The following ADCK1 variants were observed in gnomAD, a reference collection of about 807,000 sequenced individuals.
The protein encoded by ADCK1 is aarF domain containing kinase 1.
A neutral mutation model predicts 52.3 loss-of-function variants in ADCK1; 41 were observed. The observed-to-expected ratio is 0.78, with a 90% CI of 0.61 to 1.02. ADCK1 has a LOEUF of 1.02. Among genes scored for constraint, ADCK1 ranks in the 50% least tolerant of loss-of-function variants. ADCK1 has a pLI of 0.00. For missense variants in ADCK1, 658 were observed against 679.5 expected (o/e 0.97, Z 0.35); for synonymous variants, 250 against 274.6 (o/e 0.91, Z 0.89).
rs2084108357 is a variant in ADCK1 at position 77,923,444 on chromosome 14, G to A, written c.859-1013G>A. 1 of 152,306 alleles carries A rather than the reference G, an allele frequency of 6.6e-6. No homozygotes were observed. The highest frequency in any genetic ancestry group is 1.5e-5 in the Non-Finnish European group (1 of 68,086). The allele number at this position is 152,306 out of a possible 1,614,324, so 9.4% of individuals were successfully genotyped here. ...GAGACCAGGCAGGAGGCAGGGCCTGGTCAGGTAGGACTTTGTAGGCTGGGG... is the reference window on the plus strand; with the variant it reads ...GAGACCAGGCAGGAGGCAGGGCCTGATCAGGTAGGACTTTGTAGGCTGGGG... On this transcript the variant is annotated intron_variant, in intron 7 of 10. Transcript: ENST00000238561. The surrounding 1 kb of genome is among the most constrained non-coding windows in gnomAD (Gnocchi z 4.3).
At chr14:77,821,707 C>T (rs893332872) in intron 2 of ADCK1, among the ~76,000 whole-genome samples, 1 of 151,614 alleles carries the variant, frequency 6.6e-6, no homozygotes, top group African/African-American at 2.4e-5. Context: ...ATGGCGAAAT[C>T]CCATCTCTAC....
intron 4 of ADCK1, among the ~76,000 whole-genome samples, chr14:77,871,051 C>A (rs907193737): frequency 6.6e-6 from 1 of 152,222 alleles, no homozygotes; most frequent in Non-Finnish European, 1.5e-5. Flanking sequence ...GTACAATGAA[C>A]ATACTGGCCA....
At chr14:77,802,497 C>T (rs113328067) in intron 1 of ADCK1, among the ~76,000 whole-genome samples, 15,430 of 151,848 alleles carry the variant, frequency 0.1, 922 homozygotes, top group African/African-American at 0.15. Context: ...GTCGCCCAGG[C>T]TGGAGTGCAG....
intron 4 of ADCK1, among the ~76,000 whole-genome samples, chr14:77,869,964 A>G (rs1462460515): frequency 2.0e-5 from 3 of 152,196 alleles, no homozygotes; most frequent in Non-Finnish European, 2.9e-5. Context: ...ACCCAGCCCC[A>G]CTTTTCTTTA....
chr14:77,920,944 C>T (rs2084035209), intron 7 of ADCK1, among the ~76,000 whole-genome samples: 1 of 152,030 alleles, frequency 6.6e-6, no homozygotes, highest in Non-Finnish European at 1.5e-5. Context: ...GCCACTGTGC[C>T]TGGCACACAT....
intron 4 of ADCK1, among the ~76,000 whole-genome samples, chr14:77,865,741 A>C (rs11159299): frequency 0.38 from 57,777 of 151,878 alleles, 11,755 homozygotes; most frequent in Admixed American, 0.51. Flanking sequence ...ATGTTACTTA[A>C]CCTCTCTGTC....
intron 6 of ADCK1, among the ~76,000 whole-genome samples, chr14:77,905,918 G>C (rs1386194360): frequency 1.3e-5 from 2 of 152,200 alleles, no homozygotes; most frequent in Non-Finnish European, 2.9e-5. Flanking sequence ...CAAAGTATCA[G>C]TTTCACAGAT....
At chr14:77,832,612 GA>G (rs1464801381) in intron 3 of ADCK1, among the ~76,000 whole-genome samples, 6 of 152,282 alleles carry the variant, frequency 3.9e-5, no homozygotes, top group Middle Eastern at 3.4e-3. Flanking sequence ...CCACCTCCCT[GA>G]AGTTCCTTTA....
chr14:77,820,646 G>A (rs2081561748), intron 2 of ADCK1, among the ~76,000 whole-genome samples: 1 of 88,266 alleles, frequency 1.1e-5, no homozygotes, highest in Admixed American at 9.8e-5. Context: ...TTACGTGTGT[G>A]TGTGTGTGTG....
At chr14:77,846,132 C>T (rs1370805599) in intron 3 of ADCK1, among the ~76,000 whole-genome samples, 4 of 152,148 alleles carry the variant, frequency 2.6e-5, no homozygotes, top group Non-Finnish European at 5.9e-5. Context: ...GCTCCTCTGA[C>T]CAGAACATCA....
rs995316459 is a variant in ADCK1, at chr14:77,839,796, G to A, written c.219+17278G>A. Among the ~76,000 whole-genome samples the A allele has an allele frequency of 4.0e-5, 6 of 151,684 alleles. No homozygotes were observed. In the East Asian group the frequency reaches 5.8e-4, roughly 15 times the overall value. ...AAATTAGCCAGGTGTGGTAGTGCGC[G>A]CCTCCTCAGCTACTTGGGAGGCTGA... On this transcript the variant is annotated intron_variant, in intron 3 of 10. Coordinates refer to ENST00000238561, the MANE Select transcript of ADCK1 (RefSeq NM_020421.4).
rs1324743206 is a variant in ADCK1 at position 77,912,437 on chromosome 14, T to C, written c.858+4518T>C. Among the ~76,000 whole-genome samples, 6 of 77,780 alleles carry C rather than the reference T, an allele frequency of 7.7e-5. No homozygotes were observed. The South Asian group carries it at 1.6e-3, about 20-fold the overall frequency. The allele number at this position is 77,780 out of a possible 152,430, so 51.0% of individuals were successfully genotyped here. ...GCCTTGAAGACTACGGAGGAGCGTG[T>C]GTGTGTGTGTGTGTGTGTGTGTGTG... On this transcript the variant is annotated intron_variant, in intron 7 of 10. Coordinates refer to ENST00000238561, the MANE Select transcript of ADCK1 (RefSeq NM_020421.4).
chr14:77,854,187 G>A (rs1230684659), intron 3 of ADCK1, among the ~76,000 whole-genome samples: 1 of 152,164 alleles, frequency 6.6e-6, no homozygotes, highest in East Asian at 1.9e-4. Context: ...TTTCTAAGAT[G>A]GAGAAGACTG....
intron 9 of ADCK1, 30 bp from the exon 10 acceptor site, chr14:77,931,488 T>G (rs775852687): frequency 6.2e-7 from 1 of 1,602,440 alleles, no homozygotes; most frequent in Non-Finnish European, 8.5e-7. Flanking sequence ...ATACCAACCA[T>G]CTGTTTCTGT....
intron 3 of ADCK1, among the ~76,000 whole-genome samples, chr14:77,842,895 T>TC (rs1487582865): frequency 2.8e-5 from 4 of 145,426 alleles, no homozygotes; most frequent in South Asian, 2.2e-4. Flanking sequence ...TTTCTTTCTT[T>TC]TTTTTTTTTT....
intron 6 of ADCK1, 120 bp downstream of exon 6, chr14:77,899,378 C>CAG: frequency 2.3e-6 from 3 of 1,321,178 alleles, no homozygotes; most frequent in African/African-American, 1.5e-5. Context: ...CCTGAGTCCT[C>CAG]TTACTGAGGA....
Position 77,925,627 on chromosome 14 carries a change from G to A in ADCK1, c.1009-137G>A, listed in dbSNP as rs548136842. On this transcript the variant is annotated intron_variant, in intron 8 of 10. Transcript: ENST00000238561. ...AACTTGAAGCTTCAGGGATGGCAGA[G>A]CTCTGGGGGAGAAACAGATGTCGTG... 28 of 843,844 alleles carry A rather than the reference G, an allele frequency of 3.3e-5. No homozygotes were observed. The South Asian group carries it at 4.2e-4, about 13-fold the overall frequency. 52.3% of individuals were successfully genotyped at this position (843,844 alleles called of 1,614,324 possible). A position where few individuals can be genotyped will look rare whatever the true frequency, so the allele number is the denominator to read the frequency against.
At chr14:77,840,466 T>G (rs2082044360) in intron 3 of ADCK1, among the ~76,000 whole-genome samples, 1 of 152,172 alleles carries the variant, frequency 6.6e-6, no homozygotes, top group African/African-American at 2.4e-5. Flanking sequence ...CTCTTCTGCC[T>G]TTCTCTGCCA....
At chr14:77,881,446 G>A (rs890853244) in intron 4 of ADCK1, among the ~76,000 whole-genome samples, 1 of 152,182 alleles carries the variant, frequency 6.6e-6, no homozygotes, top group Non-Finnish European at 1.5e-5. Context: ...GTTGGGAGTG[G>A]ATCATTAATT....
Sources: allele counts gnomAD v4.1 joint callset (sites outside exome capture counted in the v4.1 genomes callset), GRCh38; gene constraint gnomAD v4.1.1; non-coding constraint Gnocchi (gnomAD v3.1); transcripts MANE v1.5; gene names NCBI Gene and HGNC (gene_info 2026-07-23, HGNC 2026-07-21).